The following CCDC30 variants were observed in gnomAD, a reference collection of about 807,000 sequenced individuals.
CCDC30 encodes coiled-coil domain containing 30.
CCDC30 carries 70 observed loss-of-function variants against 100.2 expected under a neutral mutation model. The observed-to-expected ratio is 0.70, with a 90% confidence interval of 0.58 to 0.85. CCDC30 has a LOEUF of 0.85. Among genes scored for constraint, CCDC30 ranks in the 40% least tolerant of loss-of-function variants. The pLI is 0.00. For synonymous variants in CCDC30, 233 were observed against 269.5 expected (o/e 0.86, Z 1.33); for missense variants, 652 against 771.2 (o/e 0.85, Z 1.83).
intron 15 of CCDC30, among the ~76,000 whole-genome samples, chr1:42,651,040 G>T (rs1419354565): frequency 6.6e-6 from 1 of 152,072 alleles, no homozygotes; most frequent in East Asian, 1.9e-4. Flanking sequence ...GAATGAAAGT[G>T]GACCGTTACC....
chr1:42,463,290 T>C (rs1459396902), upstream of CCDC30: 8 of 152,260 alleles, frequency 5.3e-5, no homozygotes, highest in Admixed American at 4.6e-4. Context: ...GCGGTTGCTA[T>C]GACGCCCAGG....
chr1:42,465,643 G>T (rs1179257912), intron 1 of CCDC30, among the ~76,000 whole-genome samples: 1 of 152,214 alleles, frequency 6.6e-6, no homozygotes, highest in Non-Finnish European at 1.5e-5. Context: ...GGGATTACAA[G>T]TGTGAGCCAC....
Position 42,463,833 on chromosome 1 carries a change from T to G in CCDC30, c.-157T>G, listed in dbSNP as rs906011057. The G allele has an allele frequency of 6.6e-6, 1 of 152,162 alleles. No homozygotes were observed. The highest frequency in any genetic ancestry group is 1.5e-5 in the Non-Finnish European group (1 of 68,028). 9.4% of individuals were successfully genotyped at this position (152,162 alleles called of 1,614,324 possible). A position where few individuals can be genotyped will look rare whatever the true frequency, so the allele number is the denominator to read the frequency against. ...GATTTTTTTTGGCCGATGTTCGTCATGCAGAACCTTGAATCCCGATGAAGA... is the reference window on the plus strand; with the variant it reads ...GATTTTTTTTGGCCGATGTTCGTCAGGCAGAACCTTGAATCCCGATGAAGA... On this transcript the variant is annotated 5_prime_UTR_variant, in exon 1 of 17. An upstream start codon of the reference 5' UTR is lost. Transcript: ENST00000668663.
intron 6 of CCDC30, among the ~76,000 whole-genome samples, chr1:42,507,833 G>A (rs553855911): frequency 1.3e-5 from 2 of 152,250 alleles, no homozygotes; most frequent in African/African-American, 4.8e-5. Context: ...CCTAGTATTT[G>A]ACTTACATGA....
At chr1:42,540,118 C>T (rs1462152370) in intron 6 of CCDC30, among the ~76,000 whole-genome samples, 1 of 152,114 alleles carries the variant, frequency 6.6e-6, no homozygotes, top group Non-Finnish European at 1.5e-5. Context: ...TTGAATACAG[C>T]AGTTAAAATA....
intron 3 of CCDC30, among the ~76,000 whole-genome samples, chr1:42,487,110 CAAAAAAA>C (rs58763328): frequency 1.2e-4 from 11 of 91,106 alleles, no homozygotes; most frequent in Non-Finnish European, 1.3e-4. Flanking sequence ...TGCCCTGTCT[CAAAAAAA>C]AAAAAAAAAA....
intron 6 of CCDC30, among the ~76,000 whole-genome samples, chr1:42,528,491 A>G (rs988271088): frequency 9.2e-5 from 14 of 152,232 alleles, no homozygotes; most frequent in Non-Finnish European, 1.3e-4. Flanking sequence ...GAAAGCCTTC[A>G]GATCACAATG....
chr1:42,587,274 G>A lies in CCDC30; in HGVS notation c.1002-2047G>A, dbSNP rs1011800588. On this transcript the variant is annotated intron_variant, in intron 9 of 16. Coordinates refer to ENST00000668663, the Ensembl canonical transcript of CCDC30. ...GGCCTCCCAAAGTGCTAGGATTATA[G>A]GTGTGAGCCACCATGTCCAGCCAAC... Among the ~76,000 whole-genome samples, 50 of 152,196 alleles carry A rather than the reference G, an allele frequency of 3.3e-4. 3 individuals are homozygous for A.
intron 11 of CCDC30, among the ~76,000 whole-genome samples, chr1:42,630,389 C>CT (rs539277593): frequency 9.4e-4 from 133 of 141,944 alleles, no homozygotes; most frequent in South Asian, 3.8e-3. Context: ...TTCTTTTTTT[C>CT]TTTTTTTTTT....
intron 10 of CCDC30, among the ~76,000 whole-genome samples, chr1:42,598,395 C>G (rs532038009): frequency 7.0e-6 from 1 of 142,196 alleles, no homozygotes; most frequent in African/African-American, 2.6e-5. Flanking sequence ...GCATGCATCT[C>G]TAATTTCAGC....
intron 11 of CCDC30, among the ~76,000 whole-genome samples, chr1:42,614,808 G>T (rs1646694709): frequency 6.6e-6 from 1 of 150,926 alleles, no homozygotes. Context: ...AAAAGATACA[G>T]AATATTTCTA....
intron 6 of CCDC30, chr1:42,537,379 T>C (rs1644925910): frequency 2.6e-6 from 1 of 387,726 alleles, no homozygotes; most frequent in Non-Finnish European, 5.0e-6. Flanking sequence ...CTCATCCTAA[T>C]GACCTACAGG....
intron 6 of CCDC30, among the ~76,000 whole-genome samples, chr1:42,543,255 G>A (rs1283659661): frequency 2.7e-5 from 4 of 149,018 alleles, no homozygotes; most frequent in African/African-American, 9.9e-5. Flanking sequence ...TTACAGGTGT[G>A]AGCCACCACA....
At chr1:42,630,530 G>A (rs79600192) in intron 11 of CCDC30, among the ~76,000 whole-genome samples, 3,616 of 151,504 alleles carry the variant, frequency 0.024, 120 homozygotes, top group African/African-American at 0.078. Flanking sequence ...TTATAGGTGC[G>A]TGCCACCACA....
At position 42,581,359 on chromosome 1, in the gene CCDC30, G is replaced by C; in HGVS notation, c.847-1G>C. 1 of 1,590,222 alleles carries C rather than the reference G, an allele frequency of 6.3e-7. No homozygotes were observed. Reference sequence around the variant, plus strand: ...TACTTGTAAATGTTTTTTCATTCAAGATTTTGGACCTGCAGCGGAAATTAG... The same window carrying C: ...TACTTGTAAATGTTTTTTCATTCAACATTTTGGACCTGCAGCGGAAATTAG... On this transcript the variant is annotated splice_acceptor_variant, in intron 8 of 16. Coordinates refer to ENST00000668663, the Ensembl canonical transcript of CCDC30. LOFTEE classifies it high-confidence loss of function.
chr1:42,482,687 G>T (rs890939304), exon 3 of CCDC30: 9 of 1,233,754 alleles, frequency 7.3e-6, no homozygotes, highest in Non-Finnish European at 9.1e-6. Flanking sequence ...CCTGGAAAAA[G>T]ACAAAACATC....
chr1:42,524,697 A>T (rs572912698), intron 6 of CCDC30, among the ~76,000 whole-genome samples: 1 of 152,336 alleles, frequency 6.6e-6, no homozygotes, highest in East Asian at 1.9e-4. Context: ...TGCCTGCCAC[A>T]GGGGTGGAGG....
chr1:42,640,522 C>G (rs937084710), intron 12 of CCDC30, among the ~76,000 whole-genome samples: 2 of 152,234 alleles, frequency 1.3e-5, no homozygotes, highest in South Asian at 2.1e-4. Flanking sequence ...TAGATATTGC[C>G]GGGTCCCTGA....
rs577681139 is a variant in CCDC30 at position 42,639,373 on chromosome 1, A to G, written c.1419+1995A>G. On this transcript the variant is annotated intron_variant, in intron 12 of 16. Coordinates refer to ENST00000668663, the Ensembl canonical transcript of CCDC30. ...AGCTAGGAGAAAGGCATGCAACACA[A>G]TCTCTCCTGGAGCCCCCATGAGTAA... Among the ~76,000 whole-genome samples, 4 of 152,292 alleles carry G rather than the reference A, an allele frequency of 2.6e-5. No individual in the cohort carries two copies. In the East Asian group the frequency reaches 7.7e-4, roughly 29 times the overall value.
Sources: allele counts gnomAD v4.1 joint callset (sites outside exome capture counted in the v4.1 genomes callset), GRCh38; gene constraint gnomAD v4.1.1; transcripts MANE v1.5; gene names NCBI Gene and HGNC (gene_info 2026-07-23, HGNC 2026-07-21).